Variants in GULP1 observed in about 807,000 individuals in gnomAD.
The protein encoded by GULP1 is PTB domain-containing engulfment adapter protein 1.
Under a neutral mutation model 40.9 loss-of-function variants are expected in GULP1, and 19 were observed. The observed-to-expected ratio is 0.46, with a 90% CI of 0.32 to 0.68. GULP1 has a LOEUF of 0.68. GULP1 is among the 30% of genes least tolerant of loss of function. GULP1 has a pLI of 0.03. For synonymous variants in GULP1, 119 were observed against 117.6 expected, an observed-to-expected ratio of 1.01 and a Z score of -0.08; for missense variants, 312 against 362.2, an observed-to-expected ratio of 0.86 and a Z score of 1.12.
chr2:188,584,478 G>A (rs756320389), intron 10 of GULP1, 75 bp downstream of exon 10: 27 of 691,350 alleles, frequency 3.9e-5, no homozygotes, highest in African/African-American at 5.6e-5. Flanking sequence ...GACTTTGTGG[G>A]AAATTACATA....
At chr2:188,388,566 CAAA>C (rs2152535534) in intron 2 of GULP1, among the ~76,000 whole-genome samples, 1 of 151,700 alleles carries the variant, frequency 6.6e-6, no homozygotes, top group African/African-American at 2.4e-5. Context: ...AAACAAAAAA[CAAA>C]AAGAAGTTTA....
chr2:188,570,543 A>G (rs1010226118), intron 9 of GULP1, among the ~76,000 whole-genome samples: 1 of 152,162 alleles, frequency 6.6e-6, no homozygotes, highest in African/African-American at 2.4e-5. Context: ...CTTATATTAC[A>G]TGGTAAGGGT....
chr2:188,345,067 T>G (rs1363609982), intron 1 of GULP1, among the ~76,000 whole-genome samples: 1 of 151,628 alleles, frequency 6.6e-6, no homozygotes, highest in Non-Finnish European at 1.5e-5. Flanking sequence ...AACCTCAGAG[T>G]ATGTACTTCA....
chr2:188,335,252 C>T (rs2042109403), intron 1 of GULP1, among the ~76,000 whole-genome samples: 1 of 152,112 alleles, frequency 6.6e-6, no homozygotes, highest in African/African-American at 2.4e-5. Context: ...AACATTAACA[C>T]TTTTGGCAGG....
At chr2:188,548,051 C>CA (rs1431350869) in intron 7 of GULP1, among the ~76,000 whole-genome samples, 1 of 151,992 alleles carries the variant, frequency 6.6e-6, no homozygotes, top group Non-Finnish European at 1.5e-5. Context: ...GTATGCTTTC[C>CA]TCCTAAGACA....
At chr2:188,553,519 A>G (rs755212907) in intron 7 of GULP1, among the ~76,000 whole-genome samples, 6 of 152,000 alleles carry the variant, frequency 3.9e-5, no homozygotes, top group African/African-American at 1.4e-4. Flanking sequence ...ATCCCACTCA[A>G]TCATGGTGTA....
intron 2 of GULP1, among the ~76,000 whole-genome samples, chr2:188,421,389 T>A (rs2055389601): frequency 6.6e-6 from 1 of 152,156 alleles, no homozygotes; most frequent in Non-Finnish European, 1.5e-5. Flanking sequence ...CATTCATGTA[T>A]GTATTCATAA....
intron 2 of GULP1, among the ~76,000 whole-genome samples, chr2:188,422,382 A>G (rs1356976903): frequency 7.9e-5 from 12 of 151,376 alleles, no homozygotes; most frequent in Non-Finnish European, 1.0e-4. Context: ...GTACATATGT[A>G]TATGTATACA....
Position 188,489,014 on chromosome 2 carries a change from T to G in GULP1, c.90+5522T>G, listed in dbSNP as rs142355729. Among the ~76,000 whole-genome samples, 708 of 151,998 alleles carry G rather than the reference T, an allele frequency of 4.7e-3. 5 individuals carry two copies. The highest frequency in any genetic ancestry group is 0.016 in the African/African-American group (664 of 41,506). ...AGACGGGTCTTAATATAAAAAAAAA[T>G]AATTTTACTAATGCTCTTTAAATTG... On this transcript the variant is annotated intron_variant, in intron 4 of 11. Transcript: ENST00000409830.
intron 10 of GULP1, 112 bp from the exon 11 acceptor site, chr2:188,587,743 G>C (rs1161262605): frequency 4.6e-6 from 3 of 654,348 alleles, no homozygotes; most frequent in Non-Finnish European, 8.3e-6. Flanking sequence ...GTGTGGGTTA[G>C]TGGCTTATTT....
In GULP1 at chr2:188,588,156, G is replaced by T. The variant is rs529713402; in HGVS notation, c.843+207G>T. The T allele has an allele frequency of 2.2e-4, 124 of 563,558 alleles. 2 individuals carry two copies. In the South Asian group the frequency reaches 2.6e-3, roughly 12 times the overall value. 34.9% of individuals were successfully genotyped at this position (563,558 alleles called of 1,614,324 possible). On this transcript the variant is annotated intron_variant, in intron 11 of 11. Coordinates refer to ENST00000409830, the MANE Select transcript of GULP1 (RefSeq NM_016315.4). Reference sequence around the variant, plus strand: ...GGATAAGGTTGTTGGTTTTTTAAATGGTTCAATTTATAATGTCAATAAGAT... The same window carrying T: ...GGATAAGGTTGTTGGTTTTTTAAATTGTTCAATTTATAATGTCAATAAGAT...
chr2:188,522,643 C>T (rs1400161528), intron 4 of GULP1, 113 bp from the exon 5 acceptor site: 1 of 449,336 alleles, frequency 2.2e-6, no homozygotes, highest in East Asian at 3.6e-5. Flanking sequence ...ATTTAATTAA[C>T]ATATGAGTTT....
chr2:188,578,285 T>C (rs953750402), intron 9 of GULP1, among the ~76,000 whole-genome samples: 3 of 152,034 alleles, frequency 2.0e-5, no homozygotes, highest in Non-Finnish European at 4.4e-5. Context: ...CTTTTATATT[T>C]CTTTTTGTTG....
At chr2:188,318,744 C>G (rs2039514783) in intron 1 of GULP1, among the ~76,000 whole-genome samples, 1 of 152,096 alleles carries the variant, frequency 6.6e-6, no homozygotes, top group Admixed American at 6.6e-5. Flanking sequence ...ATAATCTGCC[C>G]CTTAATTTGC....
chr2:188,565,211 A>G (rs1697356115), intron 7 of GULP1, among the ~76,000 whole-genome samples: 1 of 152,050 alleles, frequency 6.6e-6, no homozygotes, highest in Admixed American at 6.5e-5. Context: ...GACTTTATCA[A>G]AAATAAAACA....
intron 6 of GULP1, among the ~76,000 whole-genome samples, chr2:188,539,594 A>C (rs2153307196): frequency 6.6e-6 from 1 of 152,268 alleles, no homozygotes; most frequent in South Asian, 2.1e-4. Flanking sequence ...TAGGCTATCT[A>C]ATAATGCCAG....
chr2:188,546,246 C>G (rs1691932026), intron 7 of GULP1, among the ~76,000 whole-genome samples: 1 of 151,880 alleles, frequency 6.6e-6, no homozygotes, highest in Admixed American at 6.6e-5. Context: ...TTACAGAGAA[C>G]CTCACCCAAC....
At chr2:188,508,716 A>T (rs2064184582) in intron 4 of GULP1, among the ~76,000 whole-genome samples, 1 of 152,026 alleles carries the variant, frequency 6.6e-6, no homozygotes, top group Non-Finnish European at 1.5e-5. Context: ...AATAAGAAAA[A>T]AAATGGCCCT....
chr2:188,397,477 T>C (rs1175877016), intron 2 of GULP1, among the ~76,000 whole-genome samples: 1 of 152,232 alleles, frequency 6.6e-6, no homozygotes, highest in Non-Finnish European at 1.5e-5. Flanking sequence ...ATTACAGATA[T>C]AAATTTAAAT....
Sources: allele counts gnomAD v4.1 joint callset (sites outside exome capture counted in the v4.1 genomes callset), GRCh38; gene constraint gnomAD v4.1.1; transcripts MANE v1.5; gene names NCBI Gene and HGNC (gene_info 2026-07-23, HGNC 2026-07-21).